CYFIP2: variants seen among roughly 807,000 people sequenced by gnomAD.
CYFIP2 encodes the protein cytoplasmic FMR1-interacting protein 2.
CYFIP2 carries 29 observed loss-of-function variants against 158.7 expected under a neutral mutation model. That is an observed-to-expected ratio of 0.18 (90% confidence interval 0.14 to 0.25). The LOEUF is 0.25. Among genes scored for constraint, CYFIP2 ranks in the 10% least tolerant of loss-of-function variants. CYFIP2 has a pLI of 1.00. For synonymous variants in CYFIP2, 585 were observed against 617.6 expected (o/e 0.95, Z 0.78); for missense variants, 852 against 1,639.5 (o/e 0.52, Z 8.29).
intron 19 of CYFIP2, among the ~76,000 whole-genome samples, chr5:157,328,596 G>C (rs917741783): frequency 6.6e-6 from 1 of 152,214 alleles, no homozygotes; most frequent in African/African-American, 2.4e-5. Context: ...CACCACTAGA[G>C]GGGGCAAGCT....
intron 5 of CYFIP2, among the ~76,000 whole-genome samples, chr5:157,299,458 C>A (rs1400230765): frequency 6.6e-6 from 1 of 152,246 alleles, no homozygotes; most frequent in African/African-American, 2.4e-5. Flanking sequence ...CTGCAAGTCA[C>A]TTCTTGAGGA....
At chr5:157,343,702 T>C (rs964850593) in intron 23 of CYFIP2, among the ~76,000 whole-genome samples, 4 of 152,076 alleles carry the variant, frequency 2.6e-5, no homozygotes, top group African/African-American at 9.7e-5. Flanking sequence ...TATTTAGGCA[T>C]AGCGAAAAAG....
At chr5:157,282,419 A>C (rs963449927) in intron 1 of CYFIP2, among the ~76,000 whole-genome samples, 1 of 152,222 alleles carries the variant, frequency 6.6e-6, no homozygotes, top group Non-Finnish European at 1.5e-5. Context: ...CACATGATCC[A>C]AACACCTCCC....
At chr5:157,302,281 T>C (rs1437438906) in intron 6 of CYFIP2, among the ~76,000 whole-genome samples, 3 of 152,224 alleles carry the variant, frequency 2.0e-5, no homozygotes, top group Non-Finnish European at 4.4e-5. Flanking sequence ...CCTGTGCCCG[T>C]CATCCCATCA....
At chr5:157,369,795 A>G (rs1052519708) in intron 26 of CYFIP2, among the ~76,000 whole-genome samples, 2 of 152,048 alleles carry the variant, frequency 1.3e-5, no homozygotes, top group African/African-American at 4.8e-5. Context: ...ATGGCTGCTC[A>G]TTTAAATCAC....
chr5:157,329,503 C>G (rs1231851661), intron 19 of CYFIP2, among the ~76,000 whole-genome samples: 1 of 152,216 alleles, frequency 6.6e-6, no homozygotes, highest in African/African-American at 2.4e-5. Context: ...AAACCATGAG[C>G]TAGGTCAGTC....
At chr5:157,268,582 A>G (rs2113797470) in intron 1 of CYFIP2, among the ~76,000 whole-genome samples, 1 of 152,232 alleles carries the variant, frequency 6.6e-6, no homozygotes, top group Admixed American at 6.5e-5. Context: ...CTACGTTTAA[A>G]GATTGGACTA....
chr5:157,294,081 A>G (rs917235154), intron 3 of CYFIP2, among the ~76,000 whole-genome samples: 2 of 152,092 alleles, frequency 1.3e-5, no homozygotes, highest in Non-Finnish European at 2.9e-5. Context: ...CAATCTTGTG[A>G]CCTCTGGCCA....
At chr5:157,368,894 G>GT (rs1175045539) in intron 26 of CYFIP2, among the ~76,000 whole-genome samples, 8 of 109,214 alleles carry the variant, frequency 7.3e-5, no homozygotes, top group Admixed American at 3.5e-4. Context: ...GAGGTTTTTT[G>GT]TTTTTTTGTT....
At chr5:157,276,486 C>G (rs1561682225) in intron 1 of CYFIP2, among the ~76,000 whole-genome samples, 2 of 152,184 alleles carry the variant, frequency 1.3e-5, no homozygotes, top group African/African-American at 2.4e-5. Flanking sequence ...CTCACTTGTT[C>G]ATGATGCATA....
chr5:157,327,573 AAAAAAT>A, intron 18 of CYFIP2, among the ~76,000 whole-genome samples: 1 of 149,226 alleles, frequency 6.7e-6, no homozygotes, highest in East Asian at 2.1e-4. Context: ...TCAAAAAAAA[AAAAAAT>A]TGCAAATCAA....
chr5:157,323,346 T>C (rs1339124480), intron 15 of CYFIP2, among the ~76,000 whole-genome samples: 1 of 152,084 alleles, frequency 6.6e-6, no homozygotes, highest in African/African-American at 2.4e-5. Flanking sequence ...ACGCTGAGGG[T>C]CAGGAACAGG....
intron 16 of CYFIP2, chr5:157,324,980 T>C (rs991298056): frequency 1.3e-5 from 2 of 151,834 alleles, no homozygotes; most frequent in African/African-American, 4.8e-5. Context: ...TAATTATTTA[T>C]TTTTTTAATT....
Position 157,325,560 on chromosome 5 carries a change from TCCAGTTCCCCA to T in CYFIP2, c.1905_1915del (p.Gln636ArgfsTer43). On this transcript the variant is annotated frameshift_variant, in exon 17 of 31. Coordinates refer to ENST00000620254, the MANE Select transcript of CYFIP2 (RefSeq NM_001037333.3). LOFTEE classifies it high-confidence loss of function. The stretch of plus-strand genomic sequence containing the variant: ...CTGGAGTTAACCATGGGCCGACGAA[TCCAGTTCCCCA>T]TCGAGATGTCCATGCCCTGGATTCT... 6.2e-7 allele frequency: 1 copy of T among 1,613,432 alleles called. No individual in the cohort carries two copies. The highest frequency in any genetic ancestry group is 8.5e-7 in the Non-Finnish European group (1 of 1,179,660).
At chr5:157,268,316 C>T (rs1338019812) in intron 1 of CYFIP2, among the ~76,000 whole-genome samples, 7 of 152,292 alleles carry the variant, frequency 4.6e-5, no homozygotes, top group African/African-American at 1.4e-4. Context: ...GGCCAAGAGT[C>T]GGATGTACAA....
rs1299988493 is a variant in CYFIP2 at position 157,311,820 on chromosome 5, C to T, written c.1110+39C>T. 1 of 1,542,002 alleles carries T rather than the reference C, an allele frequency of 6.5e-7. No individual in the cohort carries two copies. On this transcript the variant is annotated intron_variant, in intron 11 of 30. Coordinates refer to ENST00000620254, the MANE Select transcript of CYFIP2 (RefSeq NM_001037333.3). This position sits in a 1 kb window ranked among gnomAD's most constrained non-coding sequence, Gnocchi z 4.7. ...CTGCTGGGGCACAGGCCCGTGGGCC[C>T]AGGGCCAGAAGGGGTAAGGAGCAGC...
chr5:157,369,879 G>GTTTTTTTT (rs1554120265), intron 26 of CYFIP2, among the ~76,000 whole-genome samples: 1 of 103,290 alleles, frequency 9.7e-6, no homozygotes, highest in African/African-American at 4.1e-5. Flanking sequence ...AATGGACCTA[G>GTTTTTTTT]TTTTTTTTTT....
At chr5:157,355,725 T>C (rs1763365123) in intron 23 of CYFIP2, among the ~76,000 whole-genome samples, 1 of 152,188 alleles carries the variant, frequency 6.6e-6, no homozygotes, top group Admixed American at 6.5e-5. Flanking sequence ...GAAATTCCTT[T>C]CTGAAATATT....
rs1446335617 is a variant in CYFIP2, at chr5:157,311,635, C to T, written c.993-29C>T. ...CCACCCAGGCGCCTGAGGCTGGGAC[C>T]CTCTCCGACCCCATAATTTTCTACC... On this transcript the variant is annotated intron_variant, in intron 10 of 30. Transcript: ENST00000620254. The surrounding 1 kb of genome is among the most constrained non-coding windows in gnomAD (Gnocchi z 4.7). 1 of 1,570,174 alleles carries T rather than the reference C, an allele frequency of 6.4e-7. No homozygotes were observed. Among genetic ancestry groups the T allele is most frequent in the Non-Finnish European group, 8.6e-7 (1 of 1,157,028 alleles).
Sources: allele counts gnomAD v4.1 joint callset (sites outside exome capture counted in the v4.1 genomes callset), GRCh38; gene constraint gnomAD v4.1.1; non-coding constraint Gnocchi (gnomAD v3.1); transcripts MANE v1.5; gene names NCBI Gene and HGNC (gene_info 2026-07-23, HGNC 2026-07-21).